The following PTPN2 variants were observed in gnomAD, a reference collection of about 807,000 sequenced individuals.
PTPN2 encodes the protein protein tyrosine phosphatase non-receptor type 2.
In PTPN2, 19 loss-of-function variants were observed where a neutral mutation model predicts 57.3. The observed-to-expected ratio is 0.33, with a 90% CI of 0.23 to 0.49. The LOEUF is 0.49. Among genes scored for constraint, PTPN2 ranks in the 20% least tolerant of loss-of-function variants. The probability of loss-of-function intolerance (pLI) is 0.99; values close to 1 mark genes in which losing one functional copy is unlikely to be tolerated. For synonymous variants in PTPN2, 153 were observed against 164.9 expected (o/e 0.93, Z 0.55); for missense variants, 358 against 501.1 (o/e 0.71, Z 2.73).
intron 2 of PTPN2, among the ~76,000 whole-genome samples, chr18:12,838,701 ATT>A (rs1252001017): frequency 6.6e-6 from 1 of 152,126 alleles, no homozygotes; most frequent in African/African-American, 2.4e-5. Context: ...ATTTTTTTTT[ATT>A]TTGTTATCAG....
intron 2 of PTPN2, among the ~76,000 whole-genome samples, chr18:12,846,161 T>C (rs2043199247): frequency 6.6e-6 from 1 of 152,226 alleles, no homozygotes; most frequent in South Asian, 2.1e-4. Flanking sequence ...TGGTTCAGGA[T>C]TCTGACATGG....
intron 2 of PTPN2, 130 bp from the exon 3 acceptor site, chr18:12,837,021 G>T: frequency 1.6e-6 from 1 of 624,032 alleles, no homozygotes. Flanking sequence ...TAATAGAGTT[G>T]AGACAAATCC....
rs202049574 is a variant in PTPN2 at position 12,802,082 on chromosome 18, T to G, written c.928A>C (p.Thr310Pro). 6.2e-7 allele frequency: 1 copy of G among 1,612,758 alleles called. No homozygotes were observed. Among genetic ancestry groups the G allele is most frequent in the South Asian group, 1.1e-5 (1 of 90,896 alleles). Reference protein sequence around the residue: ...AFDHSPNKIMTEKYNGNRIGL... With the variant: ...AFDHSPNKIMPEKYNGNRIGL... ...ATTCTGTTCCCATTGTATTTTTCAG[T>G]CATTATTTTGTTTGGTGAATGATCA... The change falls in exon 8 of 9, where the codon ACT (threonine) becomes CCT (proline). Residue 310 changes from threonine (T) to proline (P), a missense_variant. By Grantham distance (38) the Thr-to-Pro change is conservative. Coordinates refer to ENST00000309660, the MANE Select transcript of PTPN2 (RefSeq NM_002828.4).
rs2041075966 is a variant in PTPN2, at chr18:12,794,173, C to T, written c.*105G>A. The T allele has an allele frequency of 1.9e-6, 3 of 1,540,310 alleles. No homozygotes were observed. Among genetic ancestry groups the T allele is most frequent in the African/African-American group, 1.4e-5 (1 of 72,616 alleles). ...ACTTATCTGGTTGATGTCTATTCTACTGCACCGTTTTTGGGATATGAGGCG... is the reference window on the plus strand; with the variant it reads ...ACTTATCTGGTTGATGTCTATTCTATTGCACCGTTTTTGGGATATGAGGCG... On this transcript the variant is annotated 3_prime_UTR_variant, in exon 9 of 9. Coordinates refer to ENST00000309660, the MANE Select transcript of PTPN2 (RefSeq NM_002828.4).
intron 3 of PTPN2, among the ~76,000 whole-genome samples, chr18:12,834,312 G>GTGA (rs2042772810): frequency 7.5e-6 from 1 of 133,590 alleles, no homozygotes; most frequent in Non-Finnish European, 1.6e-5. Context: ...GGGCAACAGA[G>GTGA]TGAGACTCCA....
chr18:12,872,061 AAAAAAC>A (rs1453375359), intron 1 of PTPN2, among the ~76,000 whole-genome samples: 1 of 150,238 alleles, frequency 6.7e-6, no homozygotes, highest in African/African-American at 2.5e-5. Context: ...AAAAAAAACA[AAAAAAC>A]AAAAAAACAA....
intron 8 of PTPN2, among the ~76,000 whole-genome samples, chr18:12,796,370 T>C (rs939591058): frequency 2.0e-5 from 3 of 152,250 alleles, no homozygotes; most frequent in African/African-American, 7.2e-5. Flanking sequence ...GAGTAAACTT[T>C]ATGCTATATA....
intron 6 of PTPN2, among the ~76,000 whole-genome samples, chr18:12,816,030 GT>G (rs2042064023): frequency 6.6e-6 from 1 of 152,180 alleles, no homozygotes; most frequent in South Asian, 2.1e-4. Context: ...TGTGTCAAGC[GT>G]GGTGGCTCAA....
At chr18:12,791,421 A>G (rs1029810112), downstream of PTPN2, among the ~76,000 whole-genome samples, 2 of 152,232 alleles carry the variant, frequency 1.3e-5, no homozygotes, top group Admixed American at 1.3e-4. Flanking sequence ...TAATATTATG[A>G]GGACCTAAGG....
Position 12,856,435 on chromosome 18 carries a change from G to A in PTPN2, c.160+2729C>T, listed in dbSNP as rs79655656. ...AGGGAGGGGGCAAAGAAGAAGAAGA[G>A]TAAGGAGAACATGCACTGGGGGCTG... On this transcript the variant is annotated intron_variant, in intron 2 of 8. Coordinates refer to ENST00000309660, the MANE Select transcript of PTPN2 (RefSeq NM_002828.4). 9.9e-5 allele frequency among the ~76,000 whole-genome samples: 15 copies of A among 152,144 alleles called. No individual in the cohort carries two copies. In the East Asian group the frequency reaches 1.7e-3, roughly 18 times the overall value.
intron 1 of PTPN2, among the ~76,000 whole-genome samples, chr18:12,871,302 AAT>A (rs553104380): frequency 5.6e-4 from 85 of 152,142 alleles, no homozygotes; most frequent in Non-Finnish European, 1.1e-3. Flanking sequence ...TGTCACCAAT[AAT>A]ATAAGAAAGT....
chr18:12,878,043 A>G (rs1193620413), intron 1 of PTPN2, among the ~76,000 whole-genome samples: 1 of 151,814 alleles, frequency 6.6e-6, no homozygotes, highest in East Asian at 1.9e-4. Context: ...AAGAAAAAGA[A>G]AAAAGAAAAA....
intron 2 of PTPN2, among the ~76,000 whole-genome samples, chr18:12,842,978 C>T (rs1239345579): frequency 6.6e-6 from 1 of 152,160 alleles, no homozygotes; most frequent in Non-Finnish European, 1.5e-5. Flanking sequence ...CTTTCTTAAG[C>T]GTAAACTAAT....
At chr18:12,853,854 C>G (rs1443034250) in intron 2 of PTPN2, among the ~76,000 whole-genome samples, 1 of 152,062 alleles carries the variant, frequency 6.6e-6, no homozygotes, top group East Asian at 1.9e-4. Context: ...AGAAGTTTAA[C>G]TTTTTCATAA....
chr18:12,793,207 A>C lies in PTPN2; in HGVS notation c.*1071T>G. On this transcript the variant is annotated 3_prime_UTR_variant, in exon 9 of 9. Coordinates refer to ENST00000309660, the MANE Select transcript of PTPN2 (RefSeq NM_002828.4). ...AAATGAGCAGTTAAATTCATTAAAC[A>C]GTTTGCTTTAAAAAATATTCATTAA... 1.0e-6 allele frequency: 1 copy of C among 981,200 alleles called. No individual in the cohort carries two copies. Among genetic ancestry groups the C allele is most frequent in the South Asian group, 4.7e-5 (1 of 21,224 alleles). 60.8% of individuals were successfully genotyped at this position (981,200 alleles called of 1,614,324 possible). A position where few individuals can be genotyped will look rare whatever the true frequency, so the allele number is the denominator to read the frequency against.
chr18:12,794,919 G>A (rs958783499), intron 8 of PTPN2, among the ~76,000 whole-genome samples: 4 of 152,100 alleles, frequency 2.6e-5, no homozygotes, highest in African/African-American at 7.2e-5. Flanking sequence ...CACGGCGCCC[G>A]GCCAAGAAAA....
At chr18:12,857,375 G>T (rs569974222) in intron 2 of PTPN2, among the ~76,000 whole-genome samples, 15 of 152,118 alleles carry the variant, frequency 9.9e-5, no homozygotes, top group Non-Finnish European at 1.8e-4. Context: ...GTGAAACCTG[G>T]ATGGACTGTA....
At chr18:12,874,281 G>T (rs1453370748) in intron 1 of PTPN2, among the ~76,000 whole-genome samples, 7 of 137,972 alleles carry the variant, frequency 5.1e-5, no homozygotes, top group Non-Finnish European at 1.1e-4. Flanking sequence ...CCGGCCAGCC[G>T]CCCCGTCCGG....
chr18:12,831,752 C>T (rs1328530387), intron 3 of PTPN2, among the ~76,000 whole-genome samples: 1 of 152,152 alleles, frequency 6.6e-6, no homozygotes, highest in Non-Finnish European at 1.5e-5. Context: ...ACAGTATGTA[C>T]GGCCTCAATG....
Sources: allele counts gnomAD v4.1 joint callset (sites outside exome capture counted in the v4.1 genomes callset), GRCh38; gene constraint gnomAD v4.1.1; transcripts MANE v1.5; gene names NCBI Gene and HGNC (gene_info 2026-07-23, HGNC 2026-07-21).